The following FGD4 variants were observed in gnomAD, a reference collection of about 807,000 sequenced individuals.
The protein encoded by FGD4 is FYVE, RhoGEF and PH domain containing 4.
FGD4 carries 42 observed loss-of-function variants against 102.0 expected under a neutral mutation model. That is an observed-to-expected ratio of 0.41 (90% CI 0.32 to 0.53). The LOEUF (loss-of-function observed/expected upper bound fraction) is 0.53. FGD4 is among the 20% of genes least tolerant of loss of function. FGD4 has a pLI of 0.21. For synonymous variants in FGD4, 380 were observed against 375.7 expected, an observed-to-expected ratio of 1.01 and a Z score of -0.13; for missense variants, 902 against 1,078.2, an observed-to-expected ratio of 0.84 and a Z score of 2.29.
chr12:32,558,776 A>G (rs1944313630), intron 1 of FGD4, among the ~76,000 whole-genome samples: 1 of 152,234 alleles, frequency 6.6e-6, no homozygotes, highest in African/African-American at 2.4e-5. Context: ...AGGGAGCTAT[A>G]TCAGTCAACA....
At chr12:32,502,340 T>C (rs1419650026) in intron 1 of FGD4, 4 of 985,274 alleles carry the variant, frequency 4.1e-6, no homozygotes, top group Non-Finnish European at 4.8e-6. Flanking sequence ...TTTTATAAGG[T>C]AAGTAACCCT....
At chr12:32,413,440 T>G (rs550759456) in intron 1 of FGD4, among the ~76,000 whole-genome samples, 42 of 152,356 alleles carry the variant, frequency 2.8e-4, no homozygotes, top group African/African-American at 9.9e-4. Context: ...TATTAATGAC[T>G]TACCAGTATG....
At chr12:32,543,078 C>T (rs1256216582) in intron 1 of FGD4, among the ~76,000 whole-genome samples, 3 of 152,130 alleles carry the variant, frequency 2.0e-5, no homozygotes, top group Admixed American at 6.5e-5. Flanking sequence ...ACTGACTCAC[C>T]GTAAATCAGA....
At chr12:32,516,907 A>C (rs1030662021) in intron 1 of FGD4, among the ~76,000 whole-genome samples, 15 of 152,226 alleles carry the variant, frequency 9.9e-5, no homozygotes, top group Admixed American at 2.6e-4. Flanking sequence ...TAATGAATAC[A>C]TATCTAAGAC....
At chr12:32,564,061 G>A (rs1944973973) in intron 1 of FGD4, 76 bp from the exon 2 acceptor site, 1 of 1,384,886 alleles carries the variant, frequency 7.2e-7, no homozygotes, top group South Asian at 1.4e-5. Context: ...GAGTGGGAGA[G>A]GGGAAATTTA....
In FGD4 at chr12:32,453,060, G is replaced by A. The variant is rs190867473; in HGVS notation, c.166+53101G>A. On this transcript the variant is annotated intron_variant, in intron 1 of 16. Coordinates refer to ENST00000534526, the MANE Select transcript of FGD4 (RefSeq NM_001370298.3). ...ATAGAAAATTTCAAACTTATGCAAA[G>A]TAAAGACTAGTATGACCCCCATTTA... is the stretch of plus-strand genomic sequence containing the variant. 1.4e-3 allele frequency among the ~76,000 whole-genome samples: 217 copies of A among 151,312 alleles called. 3 individuals are homozygous for A. In the East Asian group the frequency reaches 0.038, roughly 26 times the overall value.
At chr12:32,428,175 T>C (rs1941916343) in intron 1 of FGD4, among the ~76,000 whole-genome samples, 1 of 152,090 alleles carries the variant, frequency 6.6e-6, no homozygotes, top group Admixed American at 6.6e-5. Flanking sequence ...CTTTACAATT[T>C]GGTATGTTTT....
rs904021982 is a variant in FGD4, at chr12:32,645,771, A to G, written c.*5238A>G. The G allele has an allele frequency of 6.6e-6, 1 of 152,244 alleles. No homozygotes were observed. The highest frequency in any genetic ancestry group is 1.5e-5 in the Non-Finnish European group (1 of 68,050). The allele number at this position is 152,244 out of a possible 1,614,324, so 9.4% of individuals were successfully genotyped here. ...GCAAGACTTCGACTCAAAAAATAAA[A>G]TAAGCGTATCTGGATTTTTCTTTTG... On this transcript the variant is annotated 3_prime_UTR_variant, in exon 17 of 17. Transcript: ENST00000534526.
At chr12:32,404,434 T>A (rs1013588495) in intron 1 of FGD4, among the ~76,000 whole-genome samples, 4 of 152,126 alleles carry the variant, frequency 2.6e-5, no homozygotes, top group African/African-American at 9.7e-5. Flanking sequence ...ACCAGGACTA[T>A]GTGTATGTTA....
At chr12:32,545,091 G>A (rs959145455) in intron 1 of FGD4, among the ~76,000 whole-genome samples, 11 of 152,198 alleles carry the variant, frequency 7.2e-5, no homozygotes, top group Admixed American at 5.2e-4. Context: ...TGGCTAACCC[G>A]TTCTGGTCTA....
rs12305379 is a variant in FGD4 at position 32,610,569 on chromosome 12, G to T, written c.1544-207G>T. 3.8e-3 allele frequency among the ~76,000 whole-genome samples: 586 copies of T among 152,310 alleles called. 8 individuals are homozygous for T. Among genetic ancestry groups the T allele is most frequent in the African/African-American group, 0.013 (559 of 41,570 alleles). ...TAAACCTGTGAGCCTAAATCATCAT[G>T]TATGACTTTTTATAAGGAAATACGA... On this transcript the variant is annotated intron_variant, in intron 8 of 16. Transcript: ENST00000534526.
intron 1 of FGD4, among the ~76,000 whole-genome samples, chr12:32,501,295 G>A (rs1022231647): frequency 6.6e-6 from 1 of 152,180 alleles, no homozygotes; most frequent in African/African-American, 2.4e-5. Flanking sequence ...CATTTTGAGT[G>A]CCTATAGTTT....
At chr12:32,413,014 T>C (rs1224666047) in intron 1 of FGD4, among the ~76,000 whole-genome samples, 1 of 147,412 alleles carries the variant, frequency 6.8e-6, no homozygotes, top group African/African-American at 2.5e-5. Flanking sequence ...AAATCAAGGC[T>C]GCAGTGGAGC....
chr12:32,564,044 G>A, intron 1 of FGD4, 93 bp from the exon 2 acceptor site: 3 of 1,178,022 alleles, frequency 2.5e-6, no homozygotes, highest in Non-Finnish European at 3.5e-6. Flanking sequence ...GGAGGGGGAG[G>A]GAGAGGGAGT....
chr12:32,506,106 A>G lies in FGD4; in HGVS notation c.167-58031A>G, dbSNP rs149527653. ...GTTACAGAAACAGCTAATGTTGGGC[A>G]TTGCATGTTGAATGCAAACACGTAG... On this transcript the variant is annotated intron_variant, in intron 1 of 16. Transcript: ENST00000534526. This position sits in a 1 kb window ranked among gnomAD's most constrained non-coding sequence, Gnocchi z 4.5. Among the ~76,000 whole-genome samples, 384 of 152,322 alleles carry G rather than the reference A, an allele frequency of 2.5e-3. 4 individuals carry two copies. Among genetic ancestry groups the G allele is most frequent in the African/African-American group, 8.8e-3 (367 of 41,572 alleles).
At chr12:32,610,210 A>T (rs923312097) in intron 8 of FGD4, among the ~76,000 whole-genome samples, 1 of 152,212 alleles carries the variant, frequency 6.6e-6, no homozygotes, top group African/African-American at 2.4e-5. Flanking sequence ...ACCTCAGCCA[A>T]GTTGTATTAC....
Position 32,602,182 on chromosome 12 carries a change from A to G in FGD4, c.1269A>G (p.Gly423=). The G allele has an allele frequency of 6.2e-7, 1 of 1,614,146 alleles. No homozygotes were observed. Among genetic ancestry groups the G allele is most frequent in the Non-Finnish European group, 8.5e-7 (1 of 1,180,014 alleles). The change falls in exon 7 of 17, where the codon GGA becomes GGG. Residue 423 remains glycine, a synonymous_variant. Coordinates refer to ENST00000534526, the MANE Select transcript of FGD4 (RefSeq NM_001370298.3). The stretch of plus-strand genomic sequence containing the variant: ...ACAGGGAAACTACTCCTAGAATTGG[A>G]GACATCCTTCAGAAATTGGCACCAT... ...MQEWETTPRI[G]DILQKLAPFL... is the part of the protein sequence containing the mutation.
chr12:32,517,319 T>C (rs1429646006), intron 1 of FGD4, among the ~76,000 whole-genome samples: 1 of 152,186 alleles, frequency 6.6e-6, no homozygotes, highest in African/African-American at 2.4e-5. Context: ...GTCATTTCAA[T>C]TTACCTGCTA....
At chr12:32,639,616 T>C (rs1951048570) in intron 16 of FGD4, among the ~76,000 whole-genome samples, 1 of 152,214 alleles carries the variant, frequency 6.6e-6, no homozygotes, top group South Asian at 2.1e-4. Flanking sequence ...GAGATAAATC[T>C]ATGGGAACAA....
Sources: gnomAD v4.1 joint callset for allele counts (sites outside exome capture counted in the v4.1 genomes callset) on GRCh38, gnomAD v4.1.1 for gene constraint, Gnocchi (gnomAD v3.1) non-coding constraint, MANE v1.5 for transcripts, NCBI Gene and HGNC (gene_info 2026-07-23, HGNC 2026-07-21) for gene names.